PAN3: variants seen among roughly 807,000 people sequenced by gnomAD.
PAN3 encodes the protein PAN2-PAN3 deadenylation complex subunit PAN3.
In PAN3, 19 loss-of-function variants were observed where a neutral mutation model predicts 96.2. That is an observed-to-expected ratio of 0.20 (90% CI 0.14 to 0.29). PAN3 has a LOEUF of 0.29. PAN3 is among the 10% of genes least tolerant of loss of function. The pLI is 1.00. For missense variants in PAN3, 882 were observed against 1,108.1 expected, an observed-to-expected ratio of 0.80 and a Z score of 2.90; for synonymous variants, 433 against 406.6, an observed-to-expected ratio of 1.06 and a Z score of -0.78.
intron 1 of PAN3, among the ~76,000 whole-genome samples, chr13:28,169,472 C>T (rs918154795): frequency 6.6e-6 from 1 of 151,686 alleles, no homozygotes; most frequent in Non-Finnish European, 1.5e-5. Flanking sequence ...CTCAGGTAAT[C>T]TGCCCACCTC....
intron 9 of PAN3, 131 bp from the exon 10 acceptor site, chr13:28,266,584 A>G: frequency 1.6e-6 from 1 of 617,504 alleles, no homozygotes; most frequent in Non-Finnish European, 2.6e-6. Context: ...ATAAATGTTT[A>G]CACTATTCTA....
At chr13:28,183,521 T>C (rs1276296383) in intron 4 of PAN3, among the ~76,000 whole-genome samples, 3 of 152,240 alleles carry the variant, frequency 2.0e-5, no homozygotes, top group Middle Eastern at 3.2e-3. Context: ...CTTAGAGATA[T>C]GTTTTCCTTT....
chr13:28,275,769 T>A (rs1887004604), intron 14 of PAN3, among the ~76,000 whole-genome samples: 1 of 152,220 alleles, frequency 6.6e-6, no homozygotes, highest in South Asian at 2.1e-4. Context: ...CCTGCCATTC[T>A]GGGCTCCTGA....
intron 5 of PAN3, among the ~76,000 whole-genome samples, chr13:28,205,786 G>C (rs989206878): frequency 2.6e-5 from 4 of 151,114 alleles, no homozygotes; most frequent in Admixed American, 6.6e-5. Context: ...AGTGAGCTGT[G>C]ATTGCACTGT....
intron 4 of PAN3, among the ~76,000 whole-genome samples, chr13:28,180,747 A>C (rs931100018): frequency 6.6e-6 from 1 of 152,178 alleles, no homozygotes; most frequent in Non-Finnish European, 1.5e-5. Flanking sequence ...CAGATATGCT[A>C]ACTTTTGCCT....
intron 14 of PAN3, 122 bp downstream of exon 14, chr13:28,272,193 C>T (rs1886670528): frequency 3.3e-6 from 2 of 604,922 alleles, no homozygotes; most frequent in Non-Finnish European, 5.4e-6. Flanking sequence ...GGTGTCTATG[C>T]AGACTTTGAA....
chr13:28,163,151 G>A (rs931573581), intron 1 of PAN3, among the ~76,000 whole-genome samples: 7 of 151,470 alleles, frequency 4.6e-5, no homozygotes, highest in Admixed American at 1.3e-4. Flanking sequence ...CCAGGAGTTC[G>A]AGACCAGCAA....
intron 14 of PAN3, among the ~76,000 whole-genome samples, chr13:28,275,097 T>TAACAAATGG (rs1210246850): frequency 6.6e-6 from 1 of 152,014 alleles, no homozygotes; most frequent in Non-Finnish European, 1.5e-5. Flanking sequence ...AGAAGCAAAA[T>TAACAAATGG]AACAAATGGA....
chr13:28,242,191 CAT>C (rs1382690498), intron 6 of PAN3, among the ~76,000 whole-genome samples: 1 of 152,164 alleles, frequency 6.6e-6, no homozygotes, highest in Non-Finnish European at 1.5e-5. Flanking sequence ...TATTGACTGA[CAT>C]ATGTGCTGCT....
At chr13:28,159,429 C>T (rs1447846003) in intron 1 of PAN3, among the ~76,000 whole-genome samples, 1 of 152,074 alleles carries the variant, frequency 6.6e-6, no homozygotes, top group Non-Finnish European at 1.5e-5. Flanking sequence ...AAGAAGGGAA[C>T]AATAGACACC....
chr13:28,209,759 G>A (rs1185710588), intron 5 of PAN3, among the ~76,000 whole-genome samples: 1 of 150,564 alleles, frequency 6.6e-6, no homozygotes, highest in African/African-American at 2.5e-5. Context: ...CTTCCTGCCT[G>A]CCTGCCTGCC....
chr13:28,142,264 G>T (rs547316256), intron 1 of PAN3, among the ~76,000 whole-genome samples: 3 of 152,136 alleles, frequency 2.0e-5, no homozygotes, highest in Non-Finnish European at 2.9e-5. Flanking sequence ...TACACTTATT[G>T]TTCATTTTTT....
chr13:28,287,688 T>G (rs912590715), intron 17 of PAN3, among the ~76,000 whole-genome samples: 10 of 152,156 alleles, frequency 6.6e-5, no homozygotes, highest in Non-Finnish European at 1.5e-4. Context: ...GAAGAGAAGA[T>G]ATTTAAAGAT....
At chr13:28,184,044 A>G (rs1333490143) in intron 4 of PAN3, among the ~76,000 whole-genome samples, 1 of 152,018 alleles carries the variant, frequency 6.6e-6, no homozygotes, top group Non-Finnish European at 1.5e-5. Flanking sequence ...GAGGATGTCT[A>G]CCTTTTCTTT....
At chr13:28,280,840 C>T (rs749616084) in intron 16 of PAN3, among the ~76,000 whole-genome samples, 5 of 152,046 alleles carry the variant, frequency 3.3e-5, no homozygotes, top group Non-Finnish European at 7.4e-5. Flanking sequence ...GGATTACAGG[C>T]GTGAGCCATT....
chr13:28,267,109 A>T lies in PAN3; in HGVS notation c.1588A>T (p.Asn530Tyr). The T allele has an allele frequency of 6.2e-7, 1 of 1,604,060 alleles. No homozygotes were observed. Among genetic ancestry groups the T allele is most frequent in the Non-Finnish European group, 8.5e-7 (1 of 1,173,108 alleles). ...TTGTCTTCCAGGTTTTCGTCTTGTT[A>T]ACACAAAGTGCATGGTGTTGGTCGA... ...LRRIHGFRLV[N>Y]TKCMVLVDMW... is the part of the protein sequence containing the mutation. The change falls in exon 11 of 19, where the codon AAC becomes TAC. Residue 530 changes from asparagine to tyrosine, a missense_variant. Asn to Tyr is a moderately radical substitution (Grantham distance 143). This residue lies in a region of PAN3 where 364 missense variants were observed against 513.6 expected (regional missense o/e 0.71). Coordinates refer to ENST00000380958, the MANE Select transcript of PAN3 (RefSeq NM_175854.8).
At chr13:28,239,818 A>G in intron 6 of PAN3, 1 of 427,918 alleles carries the variant, frequency 2.3e-6, no homozygotes, top group Non-Finnish European at 4.1e-6. Context: ...TAACATCAGT[A>G]TTCTTACTGA....
rs189103060 is a variant in PAN3, at chr13:28,209,835, C to T, written c.853-10396C>T. ...TTTCTCCTTTTACCACTCTGGAGTG[C>T]GGTGGCATGATCACAGCTCACTGTA... On this transcript the variant is annotated intron_variant, in intron 5 of 18. Coordinates refer to ENST00000380958, the MANE Select transcript of PAN3 (RefSeq NM_175854.8). 1.5e-4 allele frequency among the ~76,000 whole-genome samples: 23 copies of T among 152,110 alleles called. No homozygotes were observed. The East Asian group carries it at 3.7e-3, about 24-fold the overall frequency.
chr13:28,262,421 C>T (rs568936531), intron 9 of PAN3, among the ~76,000 whole-genome samples: 1 of 152,260 alleles, frequency 6.6e-6, no homozygotes, highest in East Asian at 1.9e-4. Context: ...AATTCAGCAT[C>T]GTCTAGTGAG....
Sources: gnomAD v4.1 joint callset for allele counts (sites outside exome capture counted in the v4.1 genomes callset) on GRCh38, gnomAD v4.1.1 for gene constraint, gnomAD v4.1.1 regional missense constraint, MANE v1.5 for transcripts, NCBI Gene and HGNC (gene_info 2026-07-23, HGNC 2026-07-21) for gene names.